Variants in SND1 observed in about 807,000 individuals in gnomAD.
The protein encoded by SND1 is staphylococcal nuclease domain-containing protein 1.
Under a neutral mutation model 121.7 loss-of-function variants are expected in SND1, and 38 were observed. That is an observed-to-expected ratio of 0.31 (90% CI 0.24 to 0.41). The LOEUF is 0.41. Ranked by LOEUF, SND1 falls within the 10% of genes least tolerant of loss-of-function variation. The pLI is 1.00. For missense variants in SND1, 868 were observed against 1,184.6 expected (o/e 0.73, Z 3.92); for synonymous variants, 401 against 447.4 (o/e 0.90, Z 1.31).
rs548456438 is a variant in SND1, at chr7:128,060,159, G to T, written c.1780-14343G>T. 1.6e-4 allele frequency among the ~76,000 whole-genome samples: 25 copies of T among 152,290 alleles called. No homozygotes were observed. In the South Asian group the frequency reaches 3.9e-3, roughly 24 times the overall value. On this transcript the variant is annotated intron_variant, in intron 16 of 23. Transcript: ENST00000354725. ...ACACATTCCTGAAGGTGATGGCTTA[G>T]CACTCCTTTACTGGTTGATGAACAG...
chr7:127,992,589 G>T (rs1018606594), intron 16 of SND1, among the ~76,000 whole-genome samples: 1 of 152,314 alleles, frequency 6.6e-6, no homozygotes, highest in Admixed American at 6.5e-5. Flanking sequence ...TCATTAGATT[G>T]CCCAAGACAT....
At chr7:127,876,510 C>T (rs1435805039) in intron 12 of SND1, among the ~76,000 whole-genome samples, 1 of 152,098 alleles carries the variant, frequency 6.6e-6, no homozygotes, top group African/African-American at 2.4e-5. Flanking sequence ...CCAGATAGGG[C>T]TGTTGGGAGG....
chr7:128,056,927 A>G (rs1793152932), intron 16 of SND1, among the ~76,000 whole-genome samples: 1 of 152,202 alleles, frequency 6.6e-6, no homozygotes, highest in Admixed American at 6.5e-5. Context: ...CTTGAACACA[A>G]GTACTGTAAT....
At chr7:127,945,283 G>C (rs1431332582) in intron 15 of SND1, among the ~76,000 whole-genome samples, 1 of 152,150 alleles carries the variant, frequency 6.6e-6, no homozygotes, top group Non-Finnish European at 1.5e-5. Context: ...ACGAGGTCAG[G>C]AGATCGAGAC....
chr7:128,055,784 C>T (rs1259381899), intron 16 of SND1, among the ~76,000 whole-genome samples: 2 of 152,184 alleles, frequency 1.3e-5, no homozygotes, highest in African/African-American at 4.8e-5. Context: ...AGACAGATGC[C>T]TCTCCCTGGG....
At chr7:127,940,849 TG>T (rs1296657049) in intron 15 of SND1, among the ~76,000 whole-genome samples, 1 of 152,224 alleles carries the variant, frequency 6.6e-6, no homozygotes, top group African/African-American at 2.4e-5. Context: ...AAGTGTCCAA[TG>T]TGGGCAGCAT....
intron 1 of SND1, among the ~76,000 whole-genome samples, chr7:127,685,371 T>C (rs1177890538): frequency 6.6e-6 from 1 of 152,190 alleles, no homozygotes; most frequent in African/African-American, 2.4e-5. Context: ...TGTTCTGTGT[T>C]GACAGAACCC....
chr7:127,917,348 G>T (rs773562067), intron 14 of SND1, among the ~76,000 whole-genome samples: 1 of 152,060 alleles, frequency 6.6e-6, no homozygotes, highest in African/African-American at 2.4e-5. Context: ...TATTGTTTAA[G>T]CTTGTTTTCA....
At chr7:127,680,571 G>A (rs1213011774) in intron 1 of SND1, among the ~76,000 whole-genome samples, 1 of 152,040 alleles carries the variant, frequency 6.6e-6, no homozygotes, top group East Asian at 1.9e-4. Flanking sequence ...TTTGAAAGAA[G>A]AGAAATATGG....
chr7:127,652,344 G>C lies in SND1; in HGVS notation c.-30G>C. ...ATTGACACCTCCAGTCCGGCCAGCC[G>C]CTCCACTCGTTGCCTTTGCATCTCC... On this transcript the variant is annotated 5_prime_UTR_variant, in exon 1 of 24. Transcript: ENST00000354725. 6.4e-7 allele frequency: 1 copy of C among 1,560,430 alleles called. No homozygotes were observed. Among genetic ancestry groups the C allele is most frequent in the Non-Finnish European group, 8.7e-7 (1 of 1,147,308 alleles).
At chr7:127,919,873 G>A (rs2116797627) in intron 14 of SND1, among the ~76,000 whole-genome samples, 1 of 152,170 alleles carries the variant, frequency 6.6e-6, no homozygotes, top group East Asian at 1.9e-4. Flanking sequence ...GGATGTTTAC[G>A]ATTTGAGTAA....
At chr7:127,844,078 T>A (rs1012228987) in intron 11 of SND1, among the ~76,000 whole-genome samples, 7 of 152,232 alleles carry the variant, frequency 4.6e-5, no homozygotes, top group Non-Finnish European at 1.0e-4. Flanking sequence ...CAGGTTGTTT[T>A]ATTATTGTTG....
chr7:127,964,846 A>T (rs2116876441), intron 15 of SND1, among the ~76,000 whole-genome samples: 1 of 95,756 alleles, frequency 1.0e-5, no homozygotes, highest in African/African-American at 5.3e-5. Flanking sequence ...TACCTTGGGC[A>T]GTATGGCCAT....
intron 15 of SND1, among the ~76,000 whole-genome samples, chr7:127,942,214 G>A (rs925291451): frequency 1.3e-5 from 2 of 152,006 alleles, no homozygotes; most frequent in African/African-American, 4.8e-5. Context: ...GACACTGCAA[G>A]GGGAAAAAAG....
At chr7:127,691,779 ATTTTTTTT>A (rs75566883) in intron 2 of SND1, among the ~76,000 whole-genome samples, 5 of 127,074 alleles carry the variant, frequency 3.9e-5, no homozygotes, top group South Asian at 2.6e-4. Context: ...TGCCTGGCTA[ATTTTTTTT>A]TTTTTTTTTT....
chr7:128,086,912 A>T (rs778975106), intron 20 of SND1, 26 bp from the exon 21 acceptor site: 1 of 1,570,244 alleles, frequency 6.4e-7, no homozygotes, highest in Non-Finnish European at 8.8e-7. Context: ...AGTATGTGAC[A>T]TGTTGGCCTG....
intron 10 of SND1, among the ~76,000 whole-genome samples, chr7:127,801,626 T>C (rs1230206152): frequency 1.3e-5 from 2 of 152,156 alleles, no homozygotes; most frequent in Non-Finnish European, 2.9e-5. Flanking sequence ...TCTCCTTTGC[T>C]CACCACTAGA....
At chr7:127,707,022 A>G (rs1344945732) in intron 8 of SND1, among the ~76,000 whole-genome samples, 1 of 152,218 alleles carries the variant, frequency 6.6e-6, no homozygotes, top group Non-Finnish European at 1.5e-5. Context: ...TCTACTGGGC[A>G]TAATACTTCA....
chr7:128,081,588 G>A (rs1793603330), intron 18 of SND1, 87 bp downstream of exon 18: 2 of 1,503,060 alleles, frequency 1.3e-6, no homozygotes, highest in Non-Finnish European at 1.8e-6. Context: ...CAGTGGGTGG[G>A]AGGAACAATG....
Sources: gnomAD v4.1 joint callset for allele counts (sites outside exome capture counted in the v4.1 genomes callset) on GRCh38, gnomAD v4.1.1 for gene constraint, MANE v1.5 for transcripts, NCBI Gene and HGNC (gene_info 2026-07-23, HGNC 2026-07-21) for gene names.